The following CDS2 variants were observed in gnomAD, a reference collection of about 807,000 sequenced individuals.
CDS2 encodes the protein phosphatidate cytidylyltransferase 2.
In CDS2, 47 loss-of-function variants were observed where a neutral mutation model predicts 59.0. That is an observed-to-expected ratio of 0.80 (90% CI 0.63 to 1.02). The LOEUF (loss-of-function observed/expected upper bound fraction) is 1.02. CDS2 is among the 50% of genes least tolerant of loss of function. CDS2 has a pLI of 0.00. For missense variants in CDS2, 356 were observed against 558.9 expected (o/e 0.64, Z 3.66); for synonymous variants, 207 against 206.4 (o/e 1.00, Z -0.02).
chr20:5,171,515 C>T (rs1001193883), intron 1 of CDS2, among the ~76,000 whole-genome samples: 4 of 152,174 alleles, frequency 2.6e-5, no homozygotes, highest in Admixed American at 1.3e-4. Context: ...CCTTGTAACT[C>T]GCAATGATTA....
At chr20:5,144,766 A>G (rs2090725773) in intron 1 of CDS2, among the ~76,000 whole-genome samples, 1 of 152,194 alleles carries the variant, frequency 6.6e-6, no homozygotes, top group Non-Finnish European at 1.5e-5. Context: ...AAGTTTGTGT[A>G]TTAACAATCC....
At chr20:5,187,904 A>G (rs1373974127) in intron 10 of CDS2, 1 of 152,014 alleles carries the variant, frequency 6.6e-6, no homozygotes, top group Non-Finnish European at 1.5e-5. Flanking sequence ...AAAGAAAAGA[A>G]AAATGACTGA....
chr20:5,173,027 T>C (rs1405771880), intron 1 of CDS2, among the ~76,000 whole-genome samples: 1 of 152,200 alleles, frequency 6.6e-6, no homozygotes, highest in East Asian at 1.9e-4. Flanking sequence ...CTGACTGTGA[T>C]TGACCTCCTC....
intron 1 of CDS2, among the ~76,000 whole-genome samples, chr20:5,132,516 T>C (rs1229651000): frequency 6.6e-6 from 1 of 152,214 alleles, no homozygotes; most frequent in African/African-American, 2.4e-5. Context: ...AAAAATGGTT[T>C]TCAATAGACT....
At chr20:5,167,895 G>A (rs1371443992) in intron 1 of CDS2, among the ~76,000 whole-genome samples, 1 of 152,230 alleles carries the variant, frequency 6.6e-6, no homozygotes, top group Admixed American at 6.5e-5. Flanking sequence ...TTTGAATGCA[G>A]TGTCAGTGGG....
chr20:5,142,339 C>T (rs6053152), intron 1 of CDS2, among the ~76,000 whole-genome samples: 11,284 of 151,778 alleles, frequency 0.074, 481 homozygotes, highest in Middle Eastern at 0.16. Flanking sequence ...CCCAGCTGCT[C>T]GGGAGGTTGA....
intron 4 of CDS2, 90 bp from the exon 5 acceptor site, chr20:5,178,727 C>T (rs1206980908): frequency 9.4e-6 from 13 of 1,382,050 alleles, no homozygotes; most frequent in Admixed American, 1.7e-5. Flanking sequence ...GGGTATTCTG[C>T]TGCCCTCTGT....
intron 1 of CDS2, among the ~76,000 whole-genome samples, chr20:5,130,231 T>C (rs1003575715): frequency 3.3e-5 from 5 of 151,720 alleles, no homozygotes. Flanking sequence ...CACTTTGGCC[T>C]CCCAAAGTGC....
chr20:5,182,266 T>C, intron 5 of CDS2, 121 bp from the exon 6 acceptor site: 1 of 708,564 alleles, frequency 1.4e-6, no homozygotes, highest in Non-Finnish European at 2.3e-6. Flanking sequence ...GGCTTTGACA[T>C]TGTGCACTGG....
intron 1 of CDS2, among the ~76,000 whole-genome samples, chr20:5,169,855 AG>A (rs1324172078): frequency 2.0e-5 from 3 of 152,176 alleles, no homozygotes; most frequent in African/African-American, 7.2e-5. Context: ...AAGAGCTTGA[AG>A]CAAGGTAGGC....
chr20:5,171,983 T>C (rs1367582510), intron 1 of CDS2, among the ~76,000 whole-genome samples: 2 of 152,230 alleles, frequency 1.3e-5, no homozygotes, highest in Non-Finnish European at 2.9e-5. Flanking sequence ...GTTGCTAATC[T>C]GTTTTGTTTT....
chr20:5,179,567 C>T (rs962841994), intron 5 of CDS2, among the ~76,000 whole-genome samples: 3 of 152,240 alleles, frequency 2.0e-5, no homozygotes, highest in Non-Finnish European at 2.9e-5. Flanking sequence ...GCAGTGGGAC[C>T]GAAACAAAAA....
intron 1 of CDS2, among the ~76,000 whole-genome samples, chr20:5,145,362 T>C (rs115348206): frequency 0.012 from 1,868 of 151,500 alleles, 47 homozygotes; most frequent in African/African-American, 0.041. Context: ...ATAAAACTAG[T>C]TTTGAGCCTG....
chr20:5,128,016 C>G (rs2090570191), intron 1 of CDS2: 1 of 152,148 alleles, frequency 6.6e-6, no homozygotes, highest in Non-Finnish European at 1.5e-5. Context: ...ACTGAGGGAG[C>G]CTGGACCAGA....
rs1280163115 is a variant in CDS2 at position 5,184,090 on chromosome 20, G to A, written c.672-768G>A. Among the ~76,000 whole-genome samples the A allele has an allele frequency of 1.3e-5, 2 of 152,164 alleles. No individual in the cohort carries two copies. Among genetic ancestry groups the A allele is most frequent in the African/African-American group, 4.8e-5 (2 of 41,430 alleles). ...GGCAGGAGAATCACTTAACCTGGGG[G>A]TGGAGGTTGCAGTGAGCCGAGATTG... On this transcript the variant is annotated intron_variant, in intron 7 of 12. Coordinates refer to ENST00000460006, the MANE Select transcript of CDS2 (RefSeq NM_003818.4). This position sits in a 1 kb window ranked among gnomAD's most constrained non-coding sequence, Gnocchi z 4.3.
At chr20:5,152,252 C>G (rs1417059872) in intron 1 of CDS2, among the ~76,000 whole-genome samples, 1 of 151,930 alleles carries the variant, frequency 6.6e-6, no homozygotes, top group Non-Finnish European at 1.5e-5. Flanking sequence ...GCAACTCATT[C>G]CTCTTAAGCT....
chr20:5,151,372 G>A (rs2090787745), intron 1 of CDS2, among the ~76,000 whole-genome samples: 2 of 152,184 alleles, frequency 1.3e-5, no homozygotes, highest in Admixed American at 6.5e-5. Flanking sequence ...CCATTCCTGT[G>A]TAAGTTAGTA....
At chr20:5,172,866 G>A (rs1437376636) in intron 1 of CDS2, among the ~76,000 whole-genome samples, 1 of 152,144 alleles carries the variant, frequency 6.6e-6, no homozygotes, top group South Asian at 2.1e-4. Flanking sequence ...CTTGCTGCTG[G>A]CATGGCTCTG....
At chr20:5,179,797 A>G (rs1029696602) in intron 5 of CDS2, among the ~76,000 whole-genome samples, 3 of 152,250 alleles carry the variant, frequency 2.0e-5, no homozygotes, top group African/African-American at 7.2e-5. Flanking sequence ...CTTCACAAAC[A>G]TTAAAGCGTT....
Sources: allele counts gnomAD v4.1 joint callset (sites outside exome capture counted in the v4.1 genomes callset), GRCh38; gene constraint gnomAD v4.1.1; non-coding constraint Gnocchi (gnomAD v3.1); transcripts MANE v1.5; gene names NCBI Gene and HGNC (gene_info 2026-07-23, HGNC 2026-07-21).